Variants in AKAP19 observed in about 807,000 individuals in gnomAD.
The protein encoded by AKAP19 is small A-kinase anchoring protein.
the AKAP19 span, among the ~76,000 whole-genome samples, chr2:189,985,035 G>T: frequency 6.6e-6 from 1 of 152,076 alleles, no homozygotes; most frequent in Non-Finnish European, 1.5e-5. Flanking sequence ...TGTTGTCCTG[G>T]GTCATGAAGG....
At chr2:190,061,818 CT>C in the AKAP19 span, among the ~76,000 whole-genome samples, 1,014 of 144,142 alleles carry the variant, frequency 7.0e-3, 14 homozygotes, top group African/African-American at 0.023. Context: ...CAGCAAGTTT[CT>C]TTTTTTTTTT....
At chr2:189,911,447 A>C in the AKAP19 span, among the ~76,000 whole-genome samples, 3 of 152,106 alleles carry the variant, frequency 2.0e-5, no homozygotes, top group African/African-American at 7.2e-5. Context: ...GTAATTTATT[A>C]TTTGATAAGT....
the AKAP19 span, among the ~76,000 whole-genome samples, chr2:190,075,713 T>C: frequency 2.5e-3 from 375 of 152,298 alleles, 2 homozygotes; most frequent in African/African-American, 8.6e-3. Context: ...ACTTTCAACC[T>C]ACCTGTGTCT....
chr2:190,094,947 G>A, the AKAP19 span, among the ~76,000 whole-genome samples: 22 of 152,336 alleles, frequency 1.4e-4, no homozygotes, highest in South Asian at 2.9e-3. Flanking sequence ...TAAATAGGCC[G>A]GGCGCGGTGG....
At chr2:190,043,181 C>T in the AKAP19 span, among the ~76,000 whole-genome samples, 2 of 151,986 alleles carry the variant, frequency 1.3e-5, no homozygotes, top group Non-Finnish European at 2.9e-5. Flanking sequence ...TGGGGGTGAT[C>T]TTCTTGTGTA....
the AKAP19 span, among the ~76,000 whole-genome samples, chr2:190,157,956 A>G: frequency 6.6e-6 from 1 of 152,224 alleles, no homozygotes. Flanking sequence ...GCCAGGCCCA[A>G]AATCAGACCT....
At chr2:189,906,231 C>T in the AKAP19 span, among the ~76,000 whole-genome samples, 2 of 151,938 alleles carry the variant, frequency 1.3e-5, no homozygotes, top group Admixed American at 1.3e-4. Flanking sequence ...GGCATTTGAA[C>T]CTATATCTCA....
At chr2:189,932,082 A>G in the AKAP19 span, among the ~76,000 whole-genome samples, 30 of 152,154 alleles carry the variant, frequency 2.0e-4, no homozygotes, top group African/African-American at 7.2e-4. Context: ...TGGCTTTCTT[A>G]TGTGATGAGC....
At chr2:189,930,893 G>C in the AKAP19 span, 3 of 718,242 alleles carry the variant, frequency 4.2e-6, no homozygotes, top group Admixed American at 2.0e-5. Context: ...ACCTGTTCCT[G>C]ATATGGCAGC....
chr2:189,986,921 G>A, the AKAP19 span, among the ~76,000 whole-genome samples: 10 of 152,194 alleles, frequency 6.6e-5, no homozygotes, highest in Admixed American at 1.3e-4. Flanking sequence ...CAAAGTAGCC[G>A]TTATTAGAAT....
At chr2:189,918,017 T>A in the AKAP19 span, among the ~76,000 whole-genome samples, 26 of 152,188 alleles carry the variant, frequency 1.7e-4, no homozygotes, top group African/African-American at 6.0e-4. Flanking sequence ...TATACATAAC[T>A]TATCATTGTC....
At chr2:190,057,168 A>T in the AKAP19 span, 1 of 1,423,748 alleles carries the variant, frequency 7.0e-7, no homozygotes. Context: ...CTCTAGGCCT[A>T]TAGCCTGTGG....
chr2:190,182,690 G>A, the AKAP19 span, among the ~76,000 whole-genome samples: 3 of 152,052 alleles, frequency 2.0e-5, no homozygotes, highest in African/African-American at 7.2e-5. Context: ...AACAGTGCAG[G>A]GTGCAATGAG....
the AKAP19 span, among the ~76,000 whole-genome samples, chr2:190,114,491 T>C: frequency 6.6e-6 from 1 of 152,250 alleles, no homozygotes; most frequent in Non-Finnish European, 1.5e-5. Flanking sequence ...AGTCTCGCTC[T>C]GTTGCCCAGG....
At chr2:189,919,802 C>T in the AKAP19 span, among the ~76,000 whole-genome samples, 12 of 152,290 alleles carry the variant, frequency 7.9e-5, no homozygotes, top group East Asian at 2.3e-3. Flanking sequence ...GTAGAGTCAT[C>T]TCTAGCCTGA....
chr2:189,975,839 C>A, the AKAP19 span, among the ~76,000 whole-genome samples: 1 of 152,202 alleles, frequency 6.6e-6, no homozygotes. Context: ...TCCATCAGGT[C>A]ATTTAAGGAC....
At chr2:190,169,545 A>T in the AKAP19 span, among the ~76,000 whole-genome samples, 2 of 152,254 alleles carry the variant, frequency 1.3e-5, no homozygotes, top group Non-Finnish European at 2.9e-5. Flanking sequence ...AAGGTCCAAA[A>T]TTTGACATTA....
the AKAP19 span, among the ~76,000 whole-genome samples, chr2:190,143,759 T>A: frequency 1.3e-5 from 2 of 151,080 alleles, no homozygotes; most frequent in Admixed American, 6.6e-5. Context: ...TAGCAAAGAC[T>A]TGGAACCAAG....
At chr2:189,882,689 G>T in the AKAP19 span, among the ~76,000 whole-genome samples, 1 of 151,966 alleles carries the variant, frequency 6.6e-6, no homozygotes, top group African/African-American at 2.4e-5. Context: ...TCCGAAACCC[G>T]TGAGGATAAG....
Sources: allele counts gnomAD v4.1 joint callset (sites outside exome capture counted in the v4.1 genomes callset), GRCh38; gene constraint gnomAD v4.1.1; transcripts MANE v1.5; gene names NCBI Gene and HGNC (gene_info 2026-07-23, HGNC 2026-07-21).